RPAP3: variants seen among roughly 807,000 people sequenced by gnomAD.
RPAP3 encodes RNA polymerase II associated protein 3.
RPAP3 carries 58 observed loss-of-function variants against 88.8 expected under a neutral mutation model. That is an observed-to-expected ratio of 0.65 (90% confidence interval 0.53 to 0.81). The LOEUF (loss-of-function observed/expected upper bound fraction) is 0.81. RPAP3 is among the 40% of genes least tolerant of loss of function. The probability of loss-of-function intolerance (pLI) is 0.00; values close to 1 mark genes in which losing one functional copy is unlikely to be tolerated. For missense variants in RPAP3, 751 were observed against 764.3 expected (o/e 0.98, Z 0.20); for synonymous variants, 255 against 259.9 (o/e 0.98, Z 0.18).
In RPAP3 at chr12:47,696,377, T is replaced by C. The variant is rs1321988223; in HGVS notation, c.444A>G (p.Lys148=). ...TGTAGCAGTCAATTGCTTCATCATA[T>C]TTTCCTTGTTTGAAGTATTTATTGC... is the stretch of plus-strand genomic sequence containing the variant. ...EKGNKYFKQG[K]YDEAIDCYTK... The change falls in exon 5 of 17, where the codon AAA becomes AAG. Residue 148 remains lysine (K), a synonymous_variant. Coordinates refer to ENST00000005386, the MANE Select transcript of RPAP3 (RefSeq NM_024604.3). 3.8e-6 allele frequency: 6 copies of C among 1,588,394 alleles called. No individual in the cohort carries two copies. The highest frequency in any genetic ancestry group is 4.3e-6 in the Non-Finnish European group (5 of 1,165,684).
chr12:47,677,005 C>T (rs908356888), intron 12 of RPAP3, among the ~76,000 whole-genome samples: 1 of 152,182 alleles, frequency 6.6e-6, no homozygotes, highest in Non-Finnish European at 1.5e-5. Flanking sequence ...AAAATACTGG[C>T]AAACCGAATC....
Position 47,696,323 on chromosome 12 carries a change from A to G in RPAP3, c.498T>C (p.Asn166=), listed in dbSNP as rs1939525559. The G allele has an allele frequency of 6.2e-7, 1 of 1,600,172 alleles. No homozygotes were observed. The highest frequency in any genetic ancestry group is 8.5e-7 in the Non-Finnish European group (1 of 1,173,212). The change falls in exon 5 of 17, where the codon AAT becomes AAC. Residue 166 remains asparagine (N), a synonymous_variant. Transcript: ENST00000005386. ...YTKGMDADPY[N]PVLPTNRASA... is the part of the protein sequence containing the mutation. ...ACGCTCTGTTCGTTGGCAACACGGG[A>G]TTATATGGATCGGCATCCATGCCTT...
At position 47,677,304 on chromosome 12, in the gene RPAP3, C is replaced by G. The variant is rs565909875; in HGVS notation, c.1287+2189G>C. On this transcript the variant is annotated intron_variant, in intron 12 of 16. Transcript: ENST00000005386. ...CAATATCATACTGAATGGGCAAAAA[C>G]TGGAAGCATTCCCTTTGAAAACCAG... Among the ~76,000 whole-genome samples the G allele has an allele frequency of 3.9e-5, 6 of 152,238 alleles. No homozygotes were observed. The East Asian group carries it at 9.7e-4, about 24-fold the overall frequency.
At chr12:47,666,403 G>C (rs1938874703) in intron 16 of RPAP3, among the ~76,000 whole-genome samples, 1 of 152,108 alleles carries the variant, frequency 6.6e-6, no homozygotes, top group African/African-American at 2.4e-5. Context: ...ACCACTACAT[G>C]TATCATTCTT....
chr12:47,703,055 A>C (rs1592489982), intron 1 of RPAP3, among the ~76,000 whole-genome samples: 1 of 152,368 alleles, frequency 6.6e-6, no homozygotes, highest in Middle Eastern at 3.4e-3. Flanking sequence ...AGACAAGTTG[A>C]AGCATCCTTG....
chr12:47,663,285 A>C lies in RPAP3; in HGVS notation c.*220T>G, dbSNP rs1938796063. 2.6e-6 allele frequency: 1 copy of C among 385,780 alleles called. No homozygotes were observed. The highest frequency in any genetic ancestry group is 4.6e-5 in the Admixed American group (1 of 21,792). 23.9% of individuals were successfully genotyped at this position (385,780 alleles called of 1,614,324 possible). A position where few individuals can be genotyped will look rare whatever the true frequency, so the allele number is the denominator to read the frequency against. ...ATAAAATAAAATGCTGATCCTTACA[A>C]ATGTATCTCATTGTTTATATTTTTA... On this transcript the variant is annotated 3_prime_UTR_variant, in exon 17 of 17. Coordinates refer to ENST00000005386, the MANE Select transcript of RPAP3 (RefSeq NM_024604.3).
At chr12:47,682,163 G>C (rs1405322221) in intron 9 of RPAP3, among the ~76,000 whole-genome samples, 2 of 152,082 alleles carry the variant, frequency 1.3e-5, no homozygotes, top group Admixed American at 1.3e-4. Context: ...TTAGAATTTT[G>C]ACTGGCATTA....
chr12:47,695,948 G>T (rs377732779), intron 5 of RPAP3: 5 of 172,888 alleles, frequency 2.9e-5, no homozygotes, highest in Non-Finnish European at 6.1e-5. Flanking sequence ...GTGGATAAAT[G>T]GTTTTTCAAA....
At chr12:47,685,671 T>C (rs982728874) in intron 9 of RPAP3, among the ~76,000 whole-genome samples, 6 of 152,224 alleles carry the variant, frequency 3.9e-5, no homozygotes, top group African/African-American at 7.2e-5. Flanking sequence ...ACTTGCTTGT[T>C]GATCAGTACG....
At chr12:47,682,311 C>G (rs923444681) in intron 9 of RPAP3, among the ~76,000 whole-genome samples, 1 of 152,088 alleles carries the variant, frequency 6.6e-6, no homozygotes, top group African/African-American at 2.4e-5. Context: ...AGCCATGCAA[C>G]CAGCAATCAA....
rs371153105 is a variant in RPAP3 at position 47,667,815 on chromosome 12, T to C, written c.1750A>G (p.Lys584Glu). The change falls in exon 15 of 17, where the codon AAA becomes GAA. Residue 584 changes from lysine (K) to glutamate (E), a missense_variant. By Grantham distance (56) the Lys-to-Glu change is moderately conservative. Transcript: ENST00000005386. ...TTGAATACATCTGGATCCAGATTTT[T>C]CTGAAACAACTTAGGATACAAAGAT... is the stretch of plus-strand genomic sequence containing the variant. ...EPSLYPKLFQ[K>E]NLDPDVFNQI... The C allele has an allele frequency of 4.2e-5, 67 of 1,608,622 alleles. No individual in the cohort carries two copies. The highest frequency in any genetic ancestry group is 5.4e-5 in the Non-Finnish European group (64 of 1,176,998).
In RPAP3 at chr12:47,690,602, C is replaced by T. The variant is rs772091518; in HGVS notation, c.583G>A (p.Ala195Thr). 1 of 1,577,666 alleles carries T rather than the reference C, an allele frequency of 6.3e-7. No homozygotes were observed. Among genetic ancestry groups the T allele is most frequent in the Non-Finnish European group, 8.6e-7 (1 of 1,158,698 alleles). Residue 195 changes from alanine (A) to threonine (T), a missense_variant, in exon 6 of 17, where the codon GCC becomes ACC. By Grantham distance (58) the Ala-to-Thr change is moderately conservative (BLOSUM62 0). Transcript: ENST00000005386. ...GCCTTTGTATAACTTCTATTCAAGG[C>T]AACTGCTAAATTACAATCAGACTCA... ...VAESDCNLAVALNRSYTKAYS... is the reference protein window; with the variant it reads ...VAESDCNLAVTLNRSYTKAYS...
At chr12:47,700,950 C>G (rs1212109962) in intron 3 of RPAP3, among the ~76,000 whole-genome samples, 1 of 151,996 alleles carries the variant, frequency 6.6e-6, no homozygotes, top group African/African-American at 2.4e-5. Flanking sequence ...GAGAAGGTGG[C>G]GTAGAGAGGA....
chr12:47,672,673 T>C (rs540485391), intron 12 of RPAP3, among the ~76,000 whole-genome samples: 47 of 152,220 alleles, frequency 3.1e-4, no homozygotes, highest in African/African-American at 8.4e-4. Flanking sequence ...CAACAGCAAT[T>C]TTTTTCCCTT....
At chr12:47,696,085 G>T in intron 5 of RPAP3, 191 bp downstream of exon 5, 1 of 397,202 alleles carries the variant, frequency 2.5e-6, no homozygotes, top group Non-Finnish European at 4.3e-6. Flanking sequence ...CAAGGTTTTA[G>T]CACCAGATGT....
At chr12:47,681,039 G>A (rs923061255) in intron 10 of RPAP3, among the ~76,000 whole-genome samples, 1 of 150,648 alleles carries the variant, frequency 6.6e-6, no homozygotes, top group African/African-American at 2.4e-5. Context: ...GCACAAAAAC[G>A]AGTTTGCTGA....
At chr12:47,688,349 G>T (rs546358065) in intron 7 of RPAP3, among the ~76,000 whole-genome samples, 165 of 151,732 alleles carry the variant, frequency 1.1e-3, no homozygotes, top group African/African-American at 3.9e-3. Flanking sequence ...ATTGGGGTGG[G>T]GAGGGGAGGG....
chr12:47,669,150 T>C (rs1938943949), intron 13 of RPAP3, 48 bp from the exon 14 acceptor site: 23 of 1,361,552 alleles, frequency 1.7e-5, no homozygotes, highest in Non-Finnish European at 2.3e-5. Flanking sequence ...TAAATAATCA[T>C]AGCTCAATCA....
At chr12:47,670,937 T>C (rs545150971) in intron 12 of RPAP3, among the ~76,000 whole-genome samples, 1 of 152,358 alleles carries the variant, frequency 6.6e-6, no homozygotes, top group East Asian at 1.9e-4. Flanking sequence ...CAGCATTATG[T>C]ATGGGATAGA....
Sources: allele counts gnomAD v4.1 joint callset (sites outside exome capture counted in the v4.1 genomes callset), GRCh38; gene constraint gnomAD v4.1.1; transcripts MANE v1.5; gene names NCBI Gene and HGNC (gene_info 2026-07-23, HGNC 2026-07-21).